GRID2: variants seen among roughly 807,000 people sequenced by gnomAD.
The protein encoded by GRID2 is glutamate ionotropic receptor delta type subunit 2, also known as glutamate receptor ionotropic, delta-2.
Under a neutral mutation model 114.8 loss-of-function variants are expected in GRID2, and 33 were observed. The observed-to-expected ratio is 0.29, with a 90% CI of 0.22 to 0.38. The LOEUF (loss-of-function observed/expected upper bound fraction) is 0.38. Among genes scored for constraint, GRID2 ranks in the 10% least tolerant of loss-of-function variants. GRID2 has a pLI of 1.00. For missense variants in GRID2, 1,184 were observed against 1,257.7 expected, an observed-to-expected ratio of 0.94 and a Z score of 0.89; for synonymous variants, 505 against 449.9, an observed-to-expected ratio of 1.12 and a Z score of -1.55.
chr4:93,786,199 G>C (rs891347466), intron 1 of GRID2, among the ~76,000 whole-genome samples: 1 of 152,172 alleles, frequency 6.6e-6, no homozygotes, highest in African/African-American at 2.4e-5. Context: ...AGATCCTCAG[G>C]CCCCGGGTGA....
chr4:92,937,100 G>A (rs1300067369), intron 2 of GRID2, among the ~76,000 whole-genome samples: 1 of 146,230 alleles, frequency 6.8e-6, no homozygotes, highest in Non-Finnish European at 1.5e-5. Context: ...TCAGATATAA[G>A]ATTTGCAAAT....
intron 2 of GRID2, among the ~76,000 whole-genome samples, chr4:92,714,118 T>C (rs866713875): frequency 6.6e-6 from 1 of 152,070 alleles, no homozygotes; most frequent in Non-Finnish European, 1.5e-5. Flanking sequence ...ACAATGGAGG[T>C]ACAGGCATTG....
chr4:92,488,890 G>A (rs1412893397), intron 1 of GRID2, among the ~76,000 whole-genome samples: 3 of 152,134 alleles, frequency 2.0e-5, no homozygotes, highest in African/African-American at 7.2e-5. Context: ...TACTCAAGGA[G>A]TCTCATGACC....
chr4:93,375,640 G>C (rs2149299662), intron 8 of GRID2, among the ~76,000 whole-genome samples: 1 of 152,262 alleles, frequency 6.6e-6, no homozygotes, highest in African/African-American at 2.4e-5. Flanking sequence ...TTTGAAGTGT[G>C]AGTTACCATG....
rs551879799 is a variant in GRID2, at chr4:93,677,944, G to A, written c.2360+51509G>A. 5.1e-3 allele frequency among the ~76,000 whole-genome samples: 512 copies of A among 99,898 alleles called. 10 individuals carry two copies. Among genetic ancestry groups the A allele is most frequent in the Admixed American group, 0.033 (393 of 11,848 alleles). The allele number at this position is 99,898 out of a possible 152,430, so 65.5% of individuals were successfully genotyped here. ...AAGCTGGATGGAGAATGACTTTGAC[G>A]AGTTGAGAGAAGGCTTCAGACGATC... On this transcript the variant is annotated intron_variant, in intron 14 of 15. Coordinates refer to ENST00000282020, the MANE Select transcript of GRID2 (RefSeq NM_001510.4).
intron 2 of GRID2, among the ~76,000 whole-genome samples, chr4:92,938,746 G>A (rs1356226374): frequency 7.2e-6 from 1 of 138,420 alleles, no homozygotes; most frequent in African/African-American, 2.5e-5. Flanking sequence ...CCCAGAGTGT[G>A]ATGTTCCCCT....
rs147066662 is a variant in GRID2 at position 92,938,178 on chromosome 4, A to G, written c.245-146817A>G. 2.9e-3 allele frequency among the ~76,000 whole-genome samples: 425 copies of G among 146,838 alleles called. 16 individuals carry two copies. The highest frequency in any genetic ancestry group is 1.0e-2 in the African/African-American group (412 of 41,332). ...GTTTTGTATGTTGAACCACCCTGGT[A>G]TTGCTGAAATAAATCACACAAAATC... is the stretch of plus-strand genomic sequence containing the variant. On this transcript the variant is annotated intron_variant, in intron 2 of 15. Coordinates refer to ENST00000282020, the MANE Select transcript of GRID2 (RefSeq NM_001510.4).
chr4:92,539,928 G>A (rs999311440), intron 1 of GRID2, among the ~76,000 whole-genome samples: 3 of 152,060 alleles, frequency 2.0e-5, no homozygotes, highest in Admixed American at 6.6e-5. Flanking sequence ...AAACAGCATG[G>A]TACTGGTACC....
intron 10 of GRID2, among the ~76,000 whole-genome samples, chr4:93,437,677 A>G (rs1398025388): frequency 6.6e-6 from 1 of 152,152 alleles, no homozygotes. Flanking sequence ...AAGGACTGCA[A>G]TATACTGTAC....
chr4:92,736,661 TC>T (rs2149328274), intron 2 of GRID2, among the ~76,000 whole-genome samples: 1 of 152,226 alleles, frequency 6.6e-6, no homozygotes, highest in East Asian at 1.9e-4. Context: ...AAATATTTAC[TC>T]TTCTCTCCAT....
intron 2 of GRID2, among the ~76,000 whole-genome samples, chr4:92,867,168 T>C (rs1384881113): frequency 6.6e-6 from 1 of 152,186 alleles, no homozygotes; most frequent in Non-Finnish European, 1.5e-5. Context: ...GGTTGTTAAA[T>C]TTTTTATTAA....
chr4:92,796,876 G>C (rs901865155), intron 2 of GRID2, among the ~76,000 whole-genome samples: 1 of 151,698 alleles, frequency 6.6e-6, no homozygotes, highest in Non-Finnish European at 1.5e-5. Flanking sequence ...CTATAGGTAG[G>C]CTCTTTTCTA....
chr4:93,085,195 C>T lies in GRID2; in HGVS notation c.445C>T (p.Pro149Ser), dbSNP rs771861870. The change falls in exon 3 of 16, where the codon CCT becomes TCT. Residue 149 changes from proline (P) to serine (S), a missense_variant. By Grantham distance (74) the Pro-to-Ser change is moderately conservative. Coordinates refer to ENST00000282020, the MANE Select transcript of GRID2 (RefSeq NM_001510.4). ...TGACTACACTCTCTCAGTTCGCCCACCTGTCTACTTGCATGATGTTATCCT... is the reference window on the plus strand; with the variant it reads ...TGACTACACTCTCTCAGTTCGCCCATCTGTCTACTTGCATGATGTTATCCT... ...NDDYTLSVRPPVYLHDVILRV... is the reference protein window; with the variant it reads ...NDDYTLSVRPSVYLHDVILRV... 28 of 1,613,702 alleles carry T rather than the reference C, an allele frequency of 1.7e-5. No individual in the cohort carries two copies. Among genetic ancestry groups the T allele is most frequent in the Non-Finnish European group, 2.3e-5 (27 of 1,179,712 alleles).
intron 2 of GRID2, among the ~76,000 whole-genome samples, chr4:92,769,334 G>A (rs1738421236): frequency 6.6e-6 from 1 of 152,188 alleles, no homozygotes; most frequent in Non-Finnish European, 1.5e-5. Flanking sequence ...GCAGGGCACA[G>A]CCTCCCTCTC....
At chr4:93,634,391 A>T (rs768767173) in intron 14 of GRID2, among the ~76,000 whole-genome samples, 19 of 152,136 alleles carry the variant, frequency 1.2e-4, no homozygotes, top group Non-Finnish European at 2.4e-4. Context: ...TAGTTGAGGG[A>T]TTTAGGTAGA....
rs186125362 is a variant in GRID2 at position 93,781,719 on chromosome 4, A to G, written c.221+12269A>G. On this transcript the variant is annotated intron_variant, in intron 1 of 1. Coordinates refer to the GRID2 transcript ENST00000637838. ...TAACATCTAATACAATGTAAATGCT[A>G]TGTAAACAGTTGTTATACTGTACAG... Among the ~76,000 whole-genome samples, 49 of 152,338 alleles carry G rather than the reference A, an allele frequency of 3.2e-4. No homozygotes were observed. In the East Asian group the frequency reaches 9.2e-3, roughly 29 times the overall value.
At chr4:93,498,881 A>C (rs1258588897) in intron 12 of GRID2, among the ~76,000 whole-genome samples, 1 of 151,798 alleles carries the variant, frequency 6.6e-6, no homozygotes, top group Non-Finnish European at 1.5e-5. Context: ...GCAGTCTTTG[A>C]CCGTTAGGTA....
intron 4 of GRID2, among the ~76,000 whole-genome samples, chr4:93,119,629 T>TAATAA (rs1325524829): frequency 6.6e-6 from 1 of 152,178 alleles, no homozygotes; most frequent in Non-Finnish European, 1.5e-5. Flanking sequence ...TATCTTGTAT[T>TAATAA]CCTTAAACAT....
At chr4:93,090,301 T>C (rs1401881369) in intron 3 of GRID2, among the ~76,000 whole-genome samples, 2 of 152,182 alleles carry the variant, frequency 1.3e-5, no homozygotes, top group African/African-American at 4.8e-5. Flanking sequence ...CACTGAAGTT[T>C]ACTTTAAAAA....
Sources: allele counts gnomAD v4.1 joint callset (sites outside exome capture counted in the v4.1 genomes callset), GRCh38; gene constraint gnomAD v4.1.1; transcripts MANE v1.5; gene names NCBI Gene and HGNC (gene_info 2026-07-23, HGNC 2026-07-21).